PARP8: variants seen among roughly 807,000 people sequenced by gnomAD.
The protein encoded by PARP8 is poly(ADP-ribose) polymerase family member 8.
A neutral mutation model predicts 124.1 loss-of-function variants in PARP8; 51 were observed. The ratio of observed to expected loss-of-function variants is 0.41; its 90% confidence interval spans 0.33 to 0.52. PARP8 has a LOEUF of 0.52. PARP8 is among the 20% of genes least tolerant of loss of function. PARP8 has a pLI of 0.21. For missense variants in PARP8, 860 were observed against 1,018.9 expected (o/e 0.84, Z 2.12); for synonymous variants, 391 against 361.5 (o/e 1.08, Z -0.93).
At chr5:50,778,459 A>T in intron 8 of PARP8, 101 bp from the exon 9 acceptor site, 1 of 924,532 alleles carries the variant, frequency 1.1e-6, no homozygotes, top group Non-Finnish European at 1.7e-6. Flanking sequence ...CCTTCATGTT[A>T]TATGCATTTT....
chr5:50,688,306 A>C (rs1020191798), intron 2 of PARP8, among the ~76,000 whole-genome samples: 2 of 152,180 alleles, frequency 1.3e-5, no homozygotes, highest in Admixed American at 1.3e-4. Context: ...CTGTATAAGA[A>C]TACTTCACTC....
chr5:50,707,663 G>GAA (rs1754300768), intron 2 of PARP8, among the ~76,000 whole-genome samples: 1 of 146,332 alleles, frequency 6.8e-6, no homozygotes, highest in African/African-American at 2.5e-5. Flanking sequence ...GAGAGAGAGA[G>GAA]AAAATGCCAG....
intron 2 of PARP8, among the ~76,000 whole-genome samples, chr5:50,710,250 G>A (rs1754634697): frequency 6.6e-6 from 1 of 151,772 alleles, no homozygotes; most frequent in South Asian, 2.1e-4. Context: ...CATTTTTGCT[G>A]CTGTTATCAT....
At chr5:50,747,141 G>GGT (rs1554054055) in intron 2 of PARP8, among the ~76,000 whole-genome samples, 3 of 80,882 alleles carry the variant, frequency 3.7e-5, no homozygotes, top group African/African-American at 9.4e-5. Flanking sequence ...TTCAGTTATG[G>GGT]TTTTTTTTGT....
chr5:50,796,872 T>G, intron 12 of PARP8, 110 bp from the exon 13 acceptor site: 1 of 906,896 alleles, frequency 1.1e-6, no homozygotes, highest in Non-Finnish European at 1.6e-6. Context: ...TCATATTTCA[T>G]GTGATCTTAA....
chr5:50,771,153 T>C (rs1561356096), intron 7 of PARP8, among the ~76,000 whole-genome samples: 1 of 150,458 alleles, frequency 6.6e-6, no homozygotes, highest in Non-Finnish European at 1.5e-5. Flanking sequence ...ATATAATATA[T>C]ATATATTCAT....
intron 2 of PARP8, among the ~76,000 whole-genome samples, chr5:50,743,064 G>T (rs145668323): frequency 1.3e-5 from 2 of 152,266 alleles, no homozygotes; most frequent in African/African-American, 4.8e-5. Flanking sequence ...GGGACATGGG[G>T]GTTTGAGATT....
At chr5:50,834,248 CAG>C (rs1194106530) in intron 24 of PARP8, among the ~76,000 whole-genome samples, 200 bp downstream of exon 24, 2 of 152,122 alleles carry the variant, frequency 1.3e-5, no homozygotes, top group Non-Finnish European at 2.9e-5. Context: ...GGCAAGAATT[CAG>C]AGAGTGATAT....
At chr5:50,736,217 A>C (rs1297961918) in intron 2 of PARP8, among the ~76,000 whole-genome samples, 1 of 152,116 alleles carries the variant, frequency 6.6e-6, no homozygotes, top group African/African-American at 2.4e-5. Flanking sequence ...TTTGTGACAC[A>C]TTGATTTATG....
At chr5:50,676,793 G>A (rs1159349254) in intron 2 of PARP8, among the ~76,000 whole-genome samples, 1 of 152,202 alleles carries the variant, frequency 6.6e-6, no homozygotes, top group African/African-American at 2.4e-5. Context: ...GAAATTTAGT[G>A]AAAGATTTAA....
intron 7 of PARP8, among the ~76,000 whole-genome samples, chr5:50,771,255 G>A (rs142837860): frequency 0.042 from 6,434 of 152,168 alleles, 443 homozygotes; most frequent in African/African-American, 0.15. Flanking sequence ...CACCTCCTGG[G>A]TTCAAGCAGT....
At chr5:50,818,179 C>T (rs1035481) in intron 15 of PARP8, among the ~76,000 whole-genome samples, 1 of 129,946 alleles carries the variant, frequency 7.7e-6, no homozygotes, top group Non-Finnish European at 1.6e-5. Context: ...TCATTTAGCC[C>T]CCCCCCCCCC....
intron 2 of PARP8, among the ~76,000 whole-genome samples, chr5:50,721,292 C>A (rs1199263334): frequency 6.6e-6 from 1 of 151,994 alleles, no homozygotes; most frequent in Admixed American, 6.6e-5. Context: ...CATTTAAACA[C>A]CAATGGGTGC....
At chr5:50,698,520 A>G (rs1287342835) in intron 2 of PARP8, among the ~76,000 whole-genome samples, 1 of 152,194 alleles carries the variant, frequency 6.6e-6, no homozygotes, top group African/African-American at 2.4e-5. Flanking sequence ...ATATAAAGCC[A>G]TAACTTATAC....
chr5:50,812,751 A>T (rs536681275), intron 14 of PARP8, among the ~76,000 whole-genome samples: 30 of 152,292 alleles, frequency 2.0e-4, no homozygotes, highest in African/African-American at 7.0e-4. Flanking sequence ...TCTTTAATCC[A>T]TCTTGAATTA....
At chr5:50,789,696 T>C (rs1741729315) in intron 10 of PARP8, among the ~76,000 whole-genome samples, 2 of 152,184 alleles carry the variant, frequency 1.3e-5, no homozygotes, top group African/African-American at 4.8e-5. Context: ...GCTTTAAGAA[T>C]TTGTGTTTAT....
intron 2 of PARP8, among the ~76,000 whole-genome samples, chr5:50,700,443 G>A (rs1039018247): frequency 1.3e-5 from 2 of 152,218 alleles, no homozygotes; most frequent in East Asian, 1.9e-4. Context: ...GTTTCTAATC[G>A]TAAATTTTTG....
chr5:50,684,033 G>A (rs180679234), intron 2 of PARP8, among the ~76,000 whole-genome samples: 21 of 152,232 alleles, frequency 1.4e-4, no homozygotes, highest in African/African-American at 4.8e-4. Flanking sequence ...TTCCTATGAG[G>A]CTGGTGAAGG....
At chr5:50,742,948 T>G (rs964873551) in intron 2 of PARP8, among the ~76,000 whole-genome samples, 1 of 152,016 alleles carries the variant, frequency 6.6e-6, no homozygotes, top group African/African-American at 2.4e-5. Context: ...AAAATGAAGC[T>G]CAGAGGGACT....
Sources: gnomAD v4.1 joint callset for allele counts (sites outside exome capture counted in the v4.1 genomes callset) on GRCh38, gnomAD v4.1.1 for gene constraint, MANE v1.5 for transcripts, NCBI Gene and HGNC (gene_info 2026-07-23, HGNC 2026-07-21) for gene names.